GRIK2: variants seen among roughly 807,000 people sequenced by gnomAD.
The protein encoded by GRIK2 is glutamate receptor ionotropic, kainate 2.
A neutral mutation model predicts 100.3 loss-of-function variants in GRIK2; 32 were observed. That is an observed-to-expected ratio of 0.32 (90% CI 0.24 to 0.43). The LOEUF (loss-of-function observed/expected upper bound fraction) is 0.43. Ranked by LOEUF, GRIK2 falls within the 20% of genes least tolerant of loss-of-function variation. The pLI, the probability that GRIK2 is intolerant of heterozygous loss-of-function variation, is 1.00. For missense variants in GRIK2, 843 were observed against 1,114.9 expected (o/e 0.76, Z 3.47); for synonymous variants, 417 against 389.4 (o/e 1.07, Z -0.83).
chr6:101,815,026 A>G (rs1781550412), intron 9 of GRIK2, among the ~76,000 whole-genome samples: 1 of 152,132 alleles, frequency 6.6e-6, no homozygotes, highest in African/African-American at 2.4e-5. Flanking sequence ...CCATTTACAG[A>G]TGGGAGAATT....
intron 2 of GRIK2, among the ~76,000 whole-genome samples, chr6:101,523,675 T>G (rs560867036): frequency 6.6e-6 from 1 of 152,118 alleles, no homozygotes; most frequent in East Asian, 1.9e-4. Flanking sequence ...GCATTCTAAG[T>G]TCTCTTTCCT....
chr6:102,019,982 C>A (rs1358104761), intron 14 of GRIK2, among the ~76,000 whole-genome samples: 1 of 151,828 alleles, frequency 6.6e-6, no homozygotes, highest in South Asian at 2.1e-4. Context: ...CAGACAGATG[C>A]AGCATTTTTA....
At chr6:101,415,365 C>CTTTTT (rs55751504) in intron 2 of GRIK2, among the ~76,000 whole-genome samples, 46 of 100,740 alleles carry the variant, frequency 4.6e-4, no homozygotes, top group Middle Eastern at 7.6e-3. Context: ...TTTTCCATAA[C>CTTTTT]TTTTTTTTTT....
intron 7 of GRIK2, among the ~76,000 whole-genome samples, chr6:101,706,905 T>A (rs1276467781): frequency 6.6e-6 from 1 of 151,912 alleles, no homozygotes; most frequent in Non-Finnish European, 1.5e-5. Context: ...AGTAGCAGTT[T>A]CAGCAGAGCT....
chr6:101,423,170 T>C (rs1439427267), intron 2 of GRIK2, among the ~76,000 whole-genome samples: 1 of 152,192 alleles, frequency 6.6e-6, no homozygotes, highest in Non-Finnish European at 1.5e-5. Context: ...CTTGGATAAA[T>C]TGAACACTCT....
chr6:101,762,791 C>T (rs916820682), intron 7 of GRIK2, among the ~76,000 whole-genome samples: 12 of 152,310 alleles, frequency 7.9e-5, no homozygotes, highest in African/African-American at 2.6e-4. Flanking sequence ...AAAAAGTACA[C>T]ATGTCAGGCA....
At chr6:101,872,111 C>T (rs1034123126) in intron 11 of GRIK2, among the ~76,000 whole-genome samples, 1 of 151,808 alleles carries the variant, frequency 6.6e-6, no homozygotes, top group African/African-American at 2.4e-5. Context: ...ATGTGGTTTT[C>T]ATAATAATTG....
intron 10 of GRIK2, among the ~76,000 whole-genome samples, chr6:101,837,024 C>T (rs1297311079): frequency 6.6e-6 from 1 of 152,000 alleles, no homozygotes; most frequent in Non-Finnish European, 1.5e-5. Context: ...ATATTCAATC[C>T]AGAAACTCAG....
At chr6:101,976,595 G>T (rs537907164) in intron 14 of GRIK2, among the ~76,000 whole-genome samples, 8 of 151,978 alleles carry the variant, frequency 5.3e-5, no homozygotes, top group African/African-American at 1.9e-4. Context: ...GCTGAGGCAG[G>T]ATGATTGATT....
chr6:101,876,278 T>A (rs2128451074), intron 11 of GRIK2, among the ~76,000 whole-genome samples: 1 of 151,892 alleles, frequency 6.6e-6, no homozygotes, highest in Non-Finnish European at 1.5e-5. Context: ...GTCTTTAAAA[T>A]GTTTGCAGAA....
intron 11 of GRIK2, among the ~76,000 whole-genome samples, chr6:101,881,198 TATA>T (rs899203774): frequency 6.6e-6 from 1 of 151,950 alleles, no homozygotes; most frequent in Non-Finnish European, 1.5e-5. Context: ...TTGATAAATA[TATA>T]ATAACATTAC....
intron 11 of GRIK2, among the ~76,000 whole-genome samples, chr6:101,877,572 T>C (rs774693877): frequency 1.3e-5 from 2 of 151,962 alleles, no homozygotes; most frequent in Non-Finnish European, 2.9e-5. Flanking sequence ...CAGATGACTA[T>C]ACAAATATGA....
intron 2 of GRIK2, among the ~76,000 whole-genome samples, chr6:101,568,688 T>G (rs879570657): frequency 5.9e-5 from 9 of 152,202 alleles, no homozygotes; most frequent in Non-Finnish European, 8.8e-5. Context: ...TAAAATTTAT[T>G]TTTATAGCCT....
At chr6:101,499,463 T>C (rs528829663) in intron 2 of GRIK2, among the ~76,000 whole-genome samples, 1 of 152,262 alleles carries the variant, frequency 6.6e-6, no homozygotes, top group African/African-American at 2.4e-5. Flanking sequence ...CAAATAAAGC[T>C]TAGGACTATA....
chr6:101,491,536 T>C (rs1441259689), intron 2 of GRIK2, among the ~76,000 whole-genome samples: 2 of 152,080 alleles, frequency 1.3e-5, no homozygotes, highest in Non-Finnish European at 2.9e-5. Context: ...TTATAATGAA[T>C]GCCTGCATAC....
At chr6:101,963,223 A>G (rs1281757892) in intron 14 of GRIK2, among the ~76,000 whole-genome samples, 1 of 143,444 alleles carries the variant, frequency 7.0e-6, no homozygotes, top group Admixed American at 7.0e-5. Flanking sequence ...TGGTTGATTT[A>G]GGACTTATAT....
rs115688054 is a variant in GRIK2 at position 101,712,565 on chromosome 6, G to A, written c.951+26212G>A. 3.2e-3 allele frequency among the ~76,000 whole-genome samples: 487 copies of A among 151,824 alleles called. 3 individuals are homozygous for A. Among genetic ancestry groups the A allele is most frequent in the African/African-American group, 0.011 (458 of 41,466 alleles). On this transcript the variant is annotated intron_variant, in intron 7 of 16. Transcript: ENST00000369134. ...CTCCAAAGAGTGAACTATGCAATAC[G>A]TATTTTATTTTTTTCTAATAAGGTA...
chr6:101,568,204 T>G (rs1421740492), intron 2 of GRIK2, among the ~76,000 whole-genome samples: 2 of 151,988 alleles, frequency 1.3e-5, no homozygotes, highest in African/African-American at 2.4e-5. Context: ...TTTCATTTGA[T>G]TTTCTCAGCT....
chr6:101,569,714 C>T (rs141446622), intron 2 of GRIK2, among the ~76,000 whole-genome samples: 14 of 151,994 alleles, frequency 9.2e-5, no homozygotes, highest in East Asian at 3.9e-4. Flanking sequence ...TAAACAAAAA[C>T]GCTAATTGCT....
Sources: gnomAD v4.1 joint callset for allele counts (sites outside exome capture counted in the v4.1 genomes callset) on GRCh38, gnomAD v4.1.1 for gene constraint, MANE v1.5 for transcripts, NCBI Gene and HGNC (gene_info 2026-07-23, HGNC 2026-07-21) for gene names.